Variants in MMP3 observed in about 807,000 individuals in gnomAD.
MMP3 encodes the protein stromelysin-1.
Under a neutral mutation model 47.3 loss-of-function variants are expected in MMP3, and 46 were observed. The ratio of observed to expected loss-of-function variants is 0.97; its 90% confidence interval spans 0.77 to 1.24. The LOEUF is 1.24. MMP3 is among the 50% of genes most tolerant of loss of function. The pLI is 0.00. For missense variants in MMP3, 558 were observed against 565.5 expected (o/e 0.99, Z 0.13); for synonymous variants, 216 against 206.5 (o/e 1.05, Z -0.39).
At position 102,836,415 on chromosome 11, in the gene MMP3, TG is replaced by T. The variant is rs368284134; in HGVS notation, c.1334-190del. The T allele has an allele frequency of 5.3e-4, 347 of 658,418 alleles. 3 individuals carry two copies. The highest frequency in any genetic ancestry group is 5.3e-3 in the African/African-American group (295 of 55,988). The allele number at this position is 658,418 out of a possible 1,614,324, so 40.8% of individuals were successfully genotyped here. ...TATTTCTGCAACAACCCTATGAGGT[TG>T]TATGTCTAACTCCATTTACAGATTG... On this transcript the variant is annotated intron_variant, in intron 9 of 9. Transcript: ENST00000299855. The surrounding 1 kb of genome is among the most constrained non-coding windows in gnomAD (Gnocchi z 4.6).
intron 4 of MMP3, among the ~76,000 whole-genome samples, chr11:102,841,394 T>G (rs1196319417): frequency 2.0e-5 from 3 of 152,214 alleles, no homozygotes; most frequent in Non-Finnish European, 4.4e-5. Flanking sequence ...ATTCGTTAAC[T>G]CAACCAATCA....
intron 6 of MMP3, 135 bp from the exon 7 acceptor site, chr11:102,839,378 A>G: frequency 1.0e-6 from 1 of 995,036 alleles, no homozygotes. Flanking sequence ...GAAATCAGGT[A>G]TATTGCCATT....
At position 102,843,516 on chromosome 11, in the gene MMP3, A is replaced by G; in HGVS notation, c.31T>C (p.Cys11Arg). 2 of 1,613,638 alleles carry G rather than the reference A, an allele frequency of 1.2e-6. No homozygotes were observed. Among genetic ancestry groups the G allele is most frequent in the Non-Finnish European group, 1.7e-6 (2 of 1,179,748 alleles). ...GGATAGGCTGAGCAAACTGCCACGC[A>G]CAGCAACAGTAGGATTGGAAGACTC... Reference protein sequence around the residue: MKSLPILLLLCVAVCSAYPLD... With the variant: MKSLPILLLLRVAVCSAYPLD... Residue 11 changes from cysteine (C) to arginine (R), a missense_variant, in exon 1 of 10, where the codon TGC becomes CGC. Coordinates refer to ENST00000299855, the MANE Select transcript of MMP3 (RefSeq NM_002422.5).
At position 102,836,204 on chromosome 11, in the gene MMP3, T is replaced by A; in HGVS notation, c.1356A>T (p.Gly452=). ...EEFGFFYFFT[G]SSQLEFDPNA... ...TTGGGTCAAACTCCAACTGTGAAGA[T>A]CCAGTAAAGAAATAAAAGAACCCTG... is the stretch of plus-strand genomic sequence containing the variant. The change falls in exon 10 of 10, where the codon GGA becomes GGT. Residue 452 remains glycine (G), a synonymous_variant. Transcript: ENST00000299855. This position sits in a 1 kb window ranked among gnomAD's most constrained non-coding sequence, Gnocchi z 4.6. 6.2e-7 allele frequency: 1 copy of A among 1,613,610 alleles called. No individual in the cohort carries two copies. The highest frequency in any genetic ancestry group is 8.5e-7 in the Non-Finnish European group (1 of 1,179,660).
rs575068301 is a variant in MMP3, at chr11:102,835,983, C to T, written c.*143G>A. 6.3e-6 allele frequency: 4 copies of T among 633,848 alleles called. No homozygotes were observed. In the African/African-American group the frequency reaches 7.3e-5, roughly 12 times the overall value. The allele number at this position is 633,848 out of a possible 1,614,324, so 39.3% of individuals were successfully genotyped here. ...TAACATAAAAATGACCGGCAAGATA[C>T]AGATTCACGCTCAAGTTCCCTTGAG... is the stretch of plus-strand genomic sequence containing the variant. On this transcript the variant is annotated 3_prime_UTR_variant, in exon 10 of 10. Transcript: ENST00000299855.
chr11:102,842,404 C>CTTTTTTT lies in MMP3; in HGVS notation c.499+20_499+26dup, dbSNP rs11418340. Reference sequence around the variant, plus strand: ...GTGTTTTTTGTTTTGTTTTGTTTTGCTTTTTTTTTTTTTTTTTTTTTTTTA... The same window carrying CTTTTTTT: ...GTGTTTTTTGTTTTGTTTTGTTTTGCTTTTTTTTTTTTTTTTTTTTTTTTTTTTTTTA... On this transcript the variant is annotated intron_variant, in intron 3 of 9. Transcript: ENST00000299855. 1.6e-3 allele frequency: 1,261 copies of CTTTTTTT among 812,272 alleles called. 11 individuals are homozygous for CTTTTTTT. Among genetic ancestry groups the CTTTTTTT allele is most frequent in the Middle Eastern group, 4.2e-3 (9 of 2,164 alleles). The allele number at this position is 812,272 out of a possible 1,614,324, so 50.3% of individuals were successfully genotyped here. A position where few individuals can be genotyped will look rare whatever the true frequency, so the allele number is the denominator to read the frequency against.
At position 102,837,433 on chromosome 11, in the gene MMP3, G is replaced by A; in HGVS notation, c.1230-32C>T. On this transcript the variant is annotated intron_variant, in intron 8 of 9. Transcript: ENST00000299855. This position sits in a 1 kb window ranked among gnomAD's most constrained non-coding sequence, Gnocchi z 4.4. ...CAAGTAAAAGAAACAGCTCAGCATT[G>A]CATAGAGGCCATGTTACCGAACATC... 4.7e-6 allele frequency: 7 copies of A among 1,482,470 alleles called. No homozygotes were observed. The highest frequency in any genetic ancestry group is 6.6e-6 in the Non-Finnish European group (7 of 1,064,818). The allele number at this position is 1,482,470 out of a possible 1,614,324, so 91.8% of individuals were successfully genotyped here.
rs1416051096 is a variant in MMP3, at chr11:102,837,912, G to A, written c.1230-511C>T. ...GGCTGGATATCAGATGGTCGGCCTC[G>A]ATGTCTCAAAGTCTGGCCAAATGAC... On this transcript the variant is annotated intron_variant, in intron 8 of 9. Transcript: ENST00000299855. The surrounding 1 kb of genome is among the most constrained non-coding windows in gnomAD (Gnocchi z 4.4). Among the ~76,000 whole-genome samples, 4 of 152,218 alleles carry A rather than the reference G, an allele frequency of 2.6e-5. No individual in the cohort carries two copies. Among genetic ancestry groups the A allele is most frequent in the African/African-American group, 9.6e-5 (4 of 41,548 alleles).
chr11:102,843,357 T>A lies in MMP3; in HGVS notation c.105+85A>T, dbSNP rs1460981715. 14 of 916,462 alleles carry A rather than the reference T, an allele frequency of 1.5e-5. No homozygotes were observed. The African/African-American group carries it at 2.3e-4, about 15-fold the overall frequency. The allele number at this position is 916,462 out of a possible 1,614,324, so 56.8% of individuals were successfully genotyped here. ...TGTTCCTACACAGTAAGCTCAAGCA[T>A]TCTATGTGGGTTTTAAGACACACAG... On this transcript the variant is annotated intron_variant, in intron 1 of 9. Coordinates refer to ENST00000299855, the MANE Select transcript of MMP3 (RefSeq NM_002422.5).
intron 7 of MMP3, 78 bp from the exon 8 acceptor site, chr11:102,838,788 T>C (rs782207976): frequency 3.2e-5 from 47 of 1,457,042 alleles, no homozygotes; most frequent in Non-Finnish European, 4.1e-5. Context: ...CACTTTAGCA[T>C]CTTTGATTTT....
chr11:102,843,273 A>G (rs1412065282), intron 1 of MMP3, among the ~76,000 whole-genome samples, 169 bp downstream of exon 1: 1 of 152,150 alleles, frequency 6.6e-6, no homozygotes, highest in Non-Finnish European at 1.5e-5. Flanking sequence ...AGAAGCCCAA[A>G]TGGTGTGATA....
At position 102,839,258 on chromosome 11, in the gene MMP3, A is replaced by T; in HGVS notation, c.936-15T>A. The T allele has an allele frequency of 6.2e-7, 1 of 1,612,950 alleles. No individual in the cohort carries two copies. Among genetic ancestry groups the T allele is most frequent in the Non-Finnish European group, 8.5e-7 (1 of 1,179,652 alleles). On this transcript the variant is annotated splice_polypyrimidine_tract_variant and intron_variant, in intron 6 of 9. Coordinates refer to ENST00000299855, the MANE Select transcript of MMP3 (RefSeq NM_002422.5). ...GCCAAAAGTGCCTAAAATATATGTA[A>T]AAAGAAATGTAAATTGAAAAACAAT...
Position 102,842,247 on chromosome 11 carries a change from C to T in MMP3, c.532G>A (p.Gly178Arg), listed in dbSNP as rs782745338. The T allele has an allele frequency of 1.2e-6, 2 of 1,608,478 alleles. No homozygotes were observed. Among genetic ancestry groups the T allele is most frequent in the Admixed American group, 1.7e-5 (1 of 58,176 alleles). The change falls in exon 4 of 10, where the codon GGA becomes AGA. Residue 178 changes from glycine to arginine, a missense_variant. Coordinates refer to ENST00000299855, the MANE Select transcript of MMP3 (RefSeq NM_002422.5). ...GCATAGGCATGGGCCAAAACATTTC[C>T]AGGTCCATCAAAAGGGTAAAAGTCT... is the stretch of plus-strand genomic sequence containing the variant. ...HGDFYPFDGP[G>R]NVLAHAYAPG... is the part of the protein sequence containing the mutation.
Position 102,835,917 on chromosome 11 carries a change from A to T in MMP3, c.*209T>A. 2.0e-6 allele frequency: 1 copy of T among 510,794 alleles called. No individual in the cohort carries two copies. The highest frequency in any genetic ancestry group is 3.0e-5 in the East Asian group (1 of 33,108). The allele number at this position is 510,794 out of a possible 1,614,324, so 31.6% of individuals were successfully genotyped here. ...CTTGGGAAAGATCACTCTATGTGAC[A>T]AGGTGCAAGCTAAGCAGCAGCCCAT... On this transcript the variant is annotated 3_prime_UTR_variant, in exon 10 of 10. Transcript: ENST00000299855.
In MMP3 at chr11:102,837,326, T is replaced by C. The variant is rs782702129; in HGVS notation, c.1305A>G (p.Ser435=). The change falls in exon 9 of 10, where the codon TCA becomes TCG. Residue 435 remains serine, a synonymous_variant. Coordinates refer to ENST00000299855, the MANE Select transcript of MMP3 (RefSeq NM_002422.5). The surrounding 1 kb of genome is among the most constrained non-coding windows in gnomAD (Gnocchi z 4.4). Reference sequence around the variant, plus strand: ...ATTCTTCAAAAACAGCATCAATCTTTGAGTCAATCCCTGGAAAGTCTTCAG... The same window carrying C: ...ATTCTTCAAAAACAGCATCAATCTTCGAGTCAATCCCTGGAAAGTCTTCAG... ...QIAEDFPGID[S]KIDAVFEEFG... 53 of 1,613,362 alleles carry C rather than the reference T, an allele frequency of 3.3e-5. 1 individual carries two copies. The Admixed American group carries it at 8.7e-4, about 26-fold the overall frequency.
chr11:102,839,274 G>A, intron 6 of MMP3, 31 bp from the exon 7 acceptor site: 1 of 1,611,662 alleles, frequency 6.2e-7, no homozygotes, highest in Non-Finnish European at 8.5e-7. Flanking sequence ...AATGTAAATT[G>A]AAAAACAATC....
At chr11:102,842,341 G>A (rs1274050670) in intron 3 of MMP3, 62 bp from the exon 4 acceptor site, 3 of 1,558,062 alleles carry the variant, frequency 1.9e-6, no homozygotes, top group Non-Finnish European at 2.6e-6. Context: ...GCCTTTTCCA[G>A]TACAACAACA....
At chr11:102,839,071 T>C in intron 7 of MMP3, 39 bp downstream of exon 7, 1 of 1,596,106 alleles carries the variant, frequency 6.3e-7, no homozygotes, top group Non-Finnish European at 8.5e-7. Flanking sequence ...TGAGAGGGTT[T>C]ACTTTGGCAA....
At position 102,836,191 on chromosome 11, in the gene MMP3, C is replaced by T. The variant is rs782025917; in HGVS notation, c.1369G>A (p.Glu457Lys). 6.8e-6 allele frequency: 11 copies of T among 1,613,812 alleles called. 1 individual carries two copies. In the South Asian group the frequency reaches 1.1e-4, roughly 16 times the overall value. The change falls in exon 10 of 10, where the codon GAG (glutamate) becomes AAG (lysine). Residue 457 changes from glutamate to lysine, a missense_variant. Physicochemically the swap from Glu to Lys is moderately conservative, Grantham distance 56. Transcript: ENST00000299855. This position sits in a 1 kb window ranked among gnomAD's most constrained non-coding sequence, Gnocchi z 4.6. Reference sequence around the variant, plus strand: ...ACTTTCTTTGCATTTGGGTCAAACTCCAACTGTGAAGATCCAGTAAAGAAA... The same window carrying T: ...ACTTTCTTTGCATTTGGGTCAAACTTCAACTGTGAAGATCCAGTAAAGAAA... Reference protein sequence around the residue: ...FYFFTGSSQLEFDPNAKKVTH... With the variant: ...FYFFTGSSQLKFDPNAKKVTH...
Sources: gnomAD v4.1 joint callset for allele counts (sites outside exome capture counted in the v4.1 genomes callset) on GRCh38, gnomAD v4.1.1 for gene constraint, Gnocchi (gnomAD v3.1) non-coding constraint, MANE v1.5 for transcripts, NCBI Gene and HGNC (gene_info 2026-07-23, HGNC 2026-07-21) for gene names.